The following SYNJ2BP variants were observed in gnomAD, a reference collection of about 807,000 sequenced individuals.
The protein encoded by SYNJ2BP is synaptojanin 2 binding protein.
SYNJ2BP carries 10 observed loss-of-function variants against 16.9 expected under a neutral mutation model. The observed-to-expected ratio is 0.59, with a 90% CI of 0.36 to 1.00. The LOEUF is 1.00. Ranked by LOEUF, SYNJ2BP falls within the 50% of genes least tolerant of loss-of-function variation. The pLI is 0.01. For synonymous variants in SYNJ2BP, 54 were observed against 68.4 expected, an observed-to-expected ratio of 0.79 and a Z score of 1.04; for missense variants, 162 against 186.7, an observed-to-expected ratio of 0.87 and a Z score of 0.77.
chr14:70,389,166 C>T (rs1240336464), intron 1 of SYNJ2BP, among the ~76,000 whole-genome samples: 1 of 152,072 alleles, frequency 6.6e-6, no homozygotes, highest in Non-Finnish European at 1.5e-5. Flanking sequence ...ATTCAAAGGA[C>T]CCAATTCCTG....
At chr14:70,410,415 C>T (rs1176696926) in intron 1 of SYNJ2BP, among the ~76,000 whole-genome samples, 1 of 152,068 alleles carries the variant, frequency 6.6e-6, no homozygotes, top group African/African-American at 2.4e-5. Context: ...CAAAGTAAGA[C>T]CCTATGTCAT....
chr14:70,397,554 C>A (rs1170008776), intron 1 of SYNJ2BP, among the ~76,000 whole-genome samples: 5 of 152,180 alleles, frequency 3.3e-5, no homozygotes, highest in Non-Finnish European at 7.3e-5. Flanking sequence ...TGCTGGCTCT[C>A]TGCAAGGCTA....
intron 1 of SYNJ2BP, among the ~76,000 whole-genome samples, chr14:70,392,919 C>A (rs1566619711): frequency 6.6e-6 from 1 of 152,010 alleles, no homozygotes; most frequent in Non-Finnish European, 1.5e-5. Context: ...AGTAGGGTGA[C>A]CACATATCCC....
intron 1 of SYNJ2BP, among the ~76,000 whole-genome samples, chr14:70,389,847 TC>T (rs1164212155): frequency 6.6e-6 from 1 of 152,220 alleles, no homozygotes; most frequent in East Asian, 1.9e-4. Context: ...CAGTTCCTCT[TC>T]CCTAAGTCCT....
At chr14:70,394,432 C>T (rs1399691708) in intron 1 of SYNJ2BP, among the ~76,000 whole-genome samples, 1 of 144,114 alleles carries the variant, frequency 6.9e-6, no homozygotes, top group Admixed American at 7.0e-5. Context: ...AGGGGAGAGG[C>T]AGGAAGAAAA....
At position 70,411,670 on chromosome 14, in the gene SYNJ2BP, A is replaced by G. The variant is rs536507863; in HGVS notation, c.64+5230T>C. Among the ~76,000 whole-genome samples the G allele has an allele frequency of 3.9e-5, 6 of 152,280 alleles. No homozygotes were observed. In the East Asian group the frequency reaches 1.2e-3, roughly 29 times the overall value. The stretch of plus-strand genomic sequence containing the variant: ...CATCCCTGACTCTGGCCCTAGCCTA[A>G]AGCCTGTCCATTCCAGAAGACCCAC... On this transcript the variant is annotated intron_variant, in intron 1 of 3. Coordinates refer to ENST00000256366, the MANE Select transcript of SYNJ2BP (RefSeq NM_018373.3).
At chr14:70,378,622 C>T (rs1373727471) in intron 2 of SYNJ2BP, among the ~76,000 whole-genome samples, 2 of 151,922 alleles carry the variant, frequency 1.3e-5, no homozygotes, top group East Asian at 3.9e-4. Flanking sequence ...TAGTTTTAAA[C>T]TCTCTCTGCT....
chr14:70,407,429 C>CAA (rs71105710), intron 1 of SYNJ2BP, among the ~76,000 whole-genome samples: 7 of 110,990 alleles, frequency 6.3e-5, no homozygotes, highest in Admixed American at 8.8e-5. Flanking sequence ...GACTCCGTCT[C>CAA]AAAAAAAAAA....
chr14:70,374,988 G>A (rs1887595088), intron 3 of SYNJ2BP, among the ~76,000 whole-genome samples: 1 of 151,182 alleles, frequency 6.6e-6, no homozygotes, highest in Non-Finnish European at 1.5e-5. Context: ...TCTCTATGTT[G>A]CCCAGGCTGG....
intron 1 of SYNJ2BP, among the ~76,000 whole-genome samples, chr14:70,393,989 A>C (rs1888035456): frequency 6.6e-6 from 1 of 151,600 alleles, no homozygotes; most frequent in Admixed American, 6.6e-5. Context: ...AAGATTTGAA[A>C]CCAAAGGAAA....
At chr14:70,387,985 A>C (rs182202448) in intron 2 of SYNJ2BP, among the ~76,000 whole-genome samples, 2 of 152,260 alleles carry the variant, frequency 1.3e-5, no homozygotes, top group African/African-American at 4.8e-5. Flanking sequence ...TGCATTCCAA[A>C]TTTTCATGTT....
At chr14:70,383,988 T>TG (rs780238343) in intron 2 of SYNJ2BP, among the ~76,000 whole-genome samples, 4 of 151,724 alleles carry the variant, frequency 2.6e-5, no homozygotes, top group Non-Finnish European at 5.9e-5. Context: ...GATGGAGTCT[T>TG]GCTCCATTGC....
At chr14:70,410,386 T>A (rs754736575) in intron 1 of SYNJ2BP, among the ~76,000 whole-genome samples, 4 of 152,210 alleles carry the variant, frequency 2.6e-5, no homozygotes, top group Non-Finnish European at 5.9e-5. Context: ...ATCGTGCCAC[T>A]GCACTCCAGC....
intron 1 of SYNJ2BP, among the ~76,000 whole-genome samples, chr14:70,398,402 C>A (rs1566621680): frequency 6.6e-6 from 1 of 152,196 alleles, no homozygotes; most frequent in Non-Finnish European, 1.5e-5. Context: ...TGCCAAGGGG[C>A]ACCTGCAGGC....
At position 70,372,207 on chromosome 14, in the gene SYNJ2BP, A is replaced by G. The variant is rs1057381058; in HGVS notation, c.*784T>C. 1 of 152,148 alleles carries G rather than the reference A, an allele frequency of 6.6e-6. No individual in the cohort carries two copies. The highest frequency in any genetic ancestry group is 2.4e-5 in the African/African-American group (1 of 41,400). The allele number at this position is 152,148 out of a possible 1,614,324, so 9.4% of individuals were successfully genotyped here. A position where few individuals can be genotyped will look rare whatever the true frequency, so the allele number is the denominator to read the frequency against. On this transcript the variant is annotated 3_prime_UTR_variant, in exon 4 of 4. Coordinates refer to ENST00000256366, the MANE Select transcript of SYNJ2BP (RefSeq NM_018373.3). ...TGCCCAGGCTGGTCTCCTGGACTCA[A>G]GCAATCTCCCACTTCAGGCTACCAA...
At chr14:70,400,350 A>C (rs763985166) in intron 1 of SYNJ2BP, among the ~76,000 whole-genome samples, 10 of 152,326 alleles carry the variant, frequency 6.6e-5, no homozygotes, top group Non-Finnish European at 8.8e-5. Context: ...TGGATTTTTG[A>C]AGTCCCATAC....
intron 2 of SYNJ2BP, among the ~76,000 whole-genome samples, chr14:70,385,341 C>CTTATT (rs997545385): frequency 4.0e-5 from 6 of 151,540 alleles, no homozygotes; most frequent in Admixed American, 6.6e-5. Flanking sequence ...CAGTTTTTAT[C>CTTATT]TTATTTTATT....
At chr14:70,397,644 C>T (rs1807218112) in intron 1 of SYNJ2BP, among the ~76,000 whole-genome samples, 1 of 152,150 alleles carries the variant, frequency 6.6e-6, no homozygotes, top group South Asian at 2.1e-4. Flanking sequence ...TTGGAGATGC[C>T]AGGAACCGTA....
At chr14:70,402,320 G>A (rs1030490174) in intron 1 of SYNJ2BP, among the ~76,000 whole-genome samples, 2 of 152,152 alleles carry the variant, frequency 1.3e-5, no homozygotes, top group Admixed American at 6.5e-5. Context: ...ATTACTATAG[G>A]CAGCTACTCA....
Sources: allele counts gnomAD v4.1 joint callset (sites outside exome capture counted in the v4.1 genomes callset), GRCh38; gene constraint gnomAD v4.1.1; transcripts MANE v1.5; gene names NCBI Gene and HGNC (gene_info 2026-07-23, HGNC 2026-07-21).